FANCL: variants seen among roughly 807,000 people sequenced by gnomAD.
FANCL encodes the protein E3 ubiquitin-protein ligase FANCL.
Under a neutral mutation model 59.4 loss-of-function variants are expected in FANCL, and 69 were observed. The ratio of observed to expected loss-of-function variants is 1.16; its 90% confidence interval spans 0.96 to 1.42. The LOEUF (loss-of-function observed/expected upper bound fraction) is 1.42, where lower values mean the gene tolerates loss of function less well. Ranked by LOEUF, FANCL falls within the 40% of genes most tolerant of loss-of-function variation. The pLI, the probability that FANCL is intolerant of heterozygous loss-of-function variation, is 0.00. For missense variants in FANCL, 519 were observed against 447.2 expected, an observed-to-expected ratio of 1.16 and a Z score of -1.45; for synonymous variants, 180 against 147.1, an observed-to-expected ratio of 1.22 and a Z score of -1.62.
chr2:58,221,682 G>C (rs1421377649), intron 5 of FANCL, among the ~76,000 whole-genome samples: 1 of 152,080 alleles, frequency 6.6e-6, no homozygotes, highest in Non-Finnish European at 1.5e-5. Context: ...TATGTTCAGT[G>C]AAAGTATCTA....
At chr2:58,161,798 T>C (rs562307386) in intron 11 of FANCL, among the ~76,000 whole-genome samples, 160 bp from the exon 12 acceptor site, 20 of 152,120 alleles carry the variant, frequency 1.3e-4, no homozygotes, top group Admixed American at 9.8e-4. Context: ...TTACCTTTTA[T>C]GTTGGGAACA....
intron 6 of FANCL, among the ~76,000 whole-genome samples, chr2:58,199,487 TAAA>T (rs1244873751): frequency 6.6e-6 from 1 of 152,072 alleles, no homozygotes; most frequent in Non-Finnish European, 1.5e-5. Flanking sequence ...AGCAAGAAGA[TAAA>T]AAGAATGAAA....
chr2:58,165,519 CTT>C (rs1685817238), intron 8 of FANCL, among the ~76,000 whole-genome samples: 2 of 152,060 alleles, frequency 1.3e-5, no homozygotes, highest in African/African-American at 4.8e-5. Flanking sequence ...GGATCATCAC[CTT>C]TTATAATGAA....
At chr2:58,209,689 G>A (rs1356679968) in intron 5 of FANCL, among the ~76,000 whole-genome samples, 1 of 151,964 alleles carries the variant, frequency 6.6e-6, no homozygotes, top group Non-Finnish European at 1.5e-5. Flanking sequence ...TTATTATTAG[G>A]CATTATTAGC....
At chr2:58,235,756 G>A (rs911661152) in intron 1 of FANCL, among the ~76,000 whole-genome samples, 15 of 152,074 alleles carry the variant, frequency 9.9e-5, no homozygotes, top group South Asian at 2.1e-4. Context: ...AATTTCATAC[G>A]TTCAAGAAGG....
At chr2:58,233,446 A>G (rs1194308123) in intron 1 of FANCL, among the ~76,000 whole-genome samples, 2 of 152,094 alleles carry the variant, frequency 1.3e-5, no homozygotes, top group Non-Finnish European at 2.9e-5. Flanking sequence ...CAGATTTTCC[A>G]GGCTTTCAGG....
intron 7 of FANCL, among the ~76,000 whole-genome samples, chr2:58,173,846 T>G (rs1424010907): frequency 6.6e-6 from 1 of 152,118 alleles, no homozygotes; most frequent in Non-Finnish European, 1.5e-5. Context: ...ACTGGCTAAT[T>G]GGATAAAGAG....
At chr2:58,217,856 A>T (rs1206658923) in intron 5 of FANCL, among the ~76,000 whole-genome samples, 1 of 152,076 alleles carries the variant, frequency 6.6e-6, no homozygotes, top group Non-Finnish European at 1.5e-5. Context: ...AAATGTGAGG[A>T]ATGAATAAAA....
At chr2:58,209,244 T>C (rs996555782) in intron 5 of FANCL, among the ~76,000 whole-genome samples, 3 of 152,222 alleles carry the variant, frequency 2.0e-5, no homozygotes, top group Admixed American at 6.5e-5. Flanking sequence ...CCATGTTCCA[T>C]GTATATATGA....
At chr2:58,170,953 A>G (rs1403037120) in intron 7 of FANCL, among the ~76,000 whole-genome samples, 2 of 152,166 alleles carry the variant, frequency 1.3e-5, no homozygotes, top group African/African-American at 4.8e-5. Flanking sequence ...CACTGTCAAT[A>G]TTAGACAGAT....
chr2:58,203,885 T>C (rs1210483250), intron 6 of FANCL, among the ~76,000 whole-genome samples: 1 of 152,076 alleles, frequency 6.6e-6, no homozygotes. Context: ...TCTATAAAAT[T>C]GTAACTGTAG....
At chr2:58,189,244 TCA>T (rs1262608700) in intron 7 of FANCL, among the ~76,000 whole-genome samples, 2 of 152,126 alleles carry the variant, frequency 1.3e-5, no homozygotes, top group Admixed American at 6.6e-5. Context: ...TTAAATACAT[TCA>T]GTTTACTGTA....
At chr2:58,212,787 C>A (rs749138542) in intron 5 of FANCL, among the ~76,000 whole-genome samples, 1 of 151,886 alleles carries the variant, frequency 6.6e-6, no homozygotes, top group African/African-American at 2.4e-5. Flanking sequence ...ACCATCTTCA[C>A]GTTAACCTTT....
chr2:58,233,650 T>C (rs1233134062), intron 1 of FANCL, among the ~76,000 whole-genome samples: 2 of 151,796 alleles, frequency 1.3e-5, no homozygotes, highest in African/African-American at 2.4e-5. Context: ...GAACCTACTC[T>C]AGGACTCCCA....
chr2:58,236,552 C>T (rs1573840222), intron 1 of FANCL, among the ~76,000 whole-genome samples: 2 of 149,952 alleles, frequency 1.3e-5, no homozygotes, highest in African/African-American at 2.4e-5. Flanking sequence ...ATATAAAATA[C>T]AGAAAAATAC....
chr2:58,209,999 T>C (rs1352653821), intron 5 of FANCL, among the ~76,000 whole-genome samples: 3 of 152,192 alleles, frequency 2.0e-5, no homozygotes, highest in East Asian at 3.8e-4. Flanking sequence ...CAAGACAAAC[T>C]TGAAAAGTTC....
chr2:58,237,899 C>G (rs952149172), intron 1 of FANCL, among the ~76,000 whole-genome samples: 1 of 152,172 alleles, frequency 6.6e-6, no homozygotes, highest in Non-Finnish European at 1.5e-5. Flanking sequence ...TTATTGATCT[C>G]TCTGTTGTAT....
At chr2:58,232,194 G>T (rs1260236579) in intron 1 of FANCL, 82 bp from the exon 2 acceptor site, 2 of 1,148,638 alleles carry the variant, frequency 1.7e-6, no homozygotes, top group Non-Finnish European at 2.6e-6. Flanking sequence ...ACAAAGAAAA[G>T]ACAATGTTTT....
intron 4 of FANCL, among the ~76,000 whole-genome samples, chr2:58,226,126 G>A (rs1692975900): frequency 6.6e-6 from 1 of 151,988 alleles, no homozygotes; most frequent in South Asian, 2.1e-4. Context: ...AGTAGAAGAG[G>A]AAATAAGATT....
Sources: allele counts gnomAD v4.1 joint callset (sites outside exome capture counted in the v4.1 genomes callset), GRCh38; gene constraint gnomAD v4.1.1; transcripts MANE v1.5; gene names NCBI Gene and HGNC (gene_info 2026-07-23, HGNC 2026-07-21).